Variants in CNOT8 observed in about 807,000 individuals in gnomAD.
CNOT8 encodes CCR4-NOT transcription complex subunit 8, also known as CAF1-like protein.
In CNOT8, 18 loss-of-function variants were observed where a neutral mutation model predicts 34.6. That is an observed-to-expected ratio of 0.52 (90% CI 0.36 to 0.77). CNOT8 has a LOEUF of 0.77. CNOT8 is among the 30% of genes least tolerant of loss of function. The probability of loss-of-function intolerance (pLI) is 0.00; values close to 1 mark genes in which losing one functional copy is unlikely to be tolerated. For missense variants in CNOT8, 189 were observed against 347.9 expected, an observed-to-expected ratio of 0.54 and a Z score of 3.63; for synonymous variants, 101 against 118.8, an observed-to-expected ratio of 0.85 and a Z score of 0.98.
At chr5:154,873,059 C>T (rs1448636379) in intron 6 of CNOT8, among the ~76,000 whole-genome samples, 1 of 151,868 alleles carries the variant, frequency 6.6e-6, no homozygotes, top group African/African-American at 2.4e-5. Context: ...ATGAGCCACT[C>T]TGCCTGGCCG....
At chr5:154,866,556 G>A (rs1007848081) in intron 3 of CNOT8, among the ~76,000 whole-genome samples, 1 of 152,096 alleles carries the variant, frequency 6.6e-6, no homozygotes, top group African/African-American at 2.4e-5. Context: ...TATAATACAA[G>A]GAAGAAAAAT....
In CNOT8 at chr5:154,862,100, T is replaced by C. The variant is rs568513067; in HGVS notation, c.-72-1107T>C. On this transcript the variant is annotated intron_variant, in intron 1 of 6. Transcript: ENST00000285896. Reference sequence around the variant, plus strand: ...TGAATTTTTTTCTCACAGAATACTTTCCCCTCCCTGATTTTTCTCCTGGAA... The same window carrying C: ...TGAATTTTTTTCTCACAGAATACTTCCCCCTCCCTGATTTTTCTCCTGGAA... 3.9e-5 allele frequency among the ~76,000 whole-genome samples: 6 copies of C among 152,314 alleles called. No individual in the cohort carries two copies. In the South Asian group the frequency reaches 1.2e-3, roughly 32 times the overall value.
At chr5:154,871,559 C>CAAAAAAAA (rs372899952) in intron 4 of CNOT8, among the ~76,000 whole-genome samples, 171 bp from the exon 5 acceptor site, 1 of 55,412 alleles carries the variant, frequency 1.8e-5, no homozygotes, top group African/African-American at 6.4e-5. Context: ...GACTCTGTCT[C>CAAAAAAAA]AAAAAAAAAA....
chr5:154,872,478 A>G, intron 5 of CNOT8, 63 bp from the exon 6 acceptor site: 1 of 982,640 alleles, frequency 1.0e-6, no homozygotes, highest in African/African-American at 1.6e-5. Context: ...AACTGCACTT[A>G]GTTGGCTCCA....
At chr5:154,860,762 T>G (rs1761254703) in intron 1 of CNOT8, among the ~76,000 whole-genome samples, 1 of 152,186 alleles carries the variant, frequency 6.6e-6, no homozygotes, top group Non-Finnish European at 1.5e-5. Flanking sequence ...TCCCCACAGA[T>G]CCTAGCTAAC....
chr5:154,871,415 C>G (rs1008134235), intron 4 of CNOT8, among the ~76,000 whole-genome samples: 2 of 151,910 alleles, frequency 1.3e-5, no homozygotes, highest in African/African-American at 4.8e-5. Flanking sequence ...AAAAATTAGC[C>G]AGGCATGGTG....
intron 3 of CNOT8, among the ~76,000 whole-genome samples, 163 bp downstream of exon 3, chr5:154,865,548 C>T (rs1400705012): frequency 6.6e-6 from 1 of 152,014 alleles, no homozygotes; most frequent in Non-Finnish European, 1.5e-5. Context: ...GATAAACAAC[C>T]CAACTAAAAA....
chr5:154,875,150 C>A, intron 6 of CNOT8, 140 bp from the exon 7 acceptor site: 1 of 870,808 alleles, frequency 1.1e-6, no homozygotes, highest in Non-Finnish European at 1.8e-6. Context: ...CTCCTGACCC[C>A]AAGTGATCTG....
intron 1 of CNOT8, among the ~76,000 whole-genome samples, chr5:154,862,580 CTGTT>C (rs1761456377): frequency 6.6e-6 from 1 of 152,192 alleles, no homozygotes; most frequent in Non-Finnish European, 1.5e-5. Flanking sequence ...ACTTCATGCT[CTGTT>C]TGCACAAATC....
chr5:154,869,671 C>T (rs1408297666), intron 3 of CNOT8, among the ~76,000 whole-genome samples: 6 of 143,338 alleles, frequency 4.2e-5, no homozygotes, highest in Non-Finnish European at 9.0e-5. Flanking sequence ...TGTCATCAGG[C>T]TGGAGCGCAG....
rs1204377808 is a variant in CNOT8 at position 154,876,389 on chromosome 5, TGTGA to T, written c.*953_*956del. On this transcript the variant is annotated 3_prime_UTR_variant, in exon 7 of 7. Coordinates refer to ENST00000285896, the MANE Select transcript of CNOT8 (RefSeq NM_001301073.2). The stretch of plus-strand genomic sequence containing the variant: ...CTGAAACGTGAGGGAGATGGATTAA[TGTGA>T]GTAACAGGAATGTGTCTTTAAAAAG... 2.0e-5 allele frequency: 3 copies of T among 152,228 alleles called. No homozygotes were observed. Among genetic ancestry groups the T allele is most frequent in the African/African-American group, 4.8e-5 (2 of 41,456 alleles). 9.4% of individuals were successfully genotyped at this position (152,228 alleles called of 1,614,324 possible). A position where few individuals can be genotyped will look rare whatever the true frequency, so the allele number is the denominator to read the frequency against.
intron 2 of CNOT8, among the ~76,000 whole-genome samples, chr5:154,864,297 A>G (rs1761649228): frequency 6.6e-6 from 1 of 152,072 alleles, no homozygotes; most frequent in South Asian, 2.1e-4. Context: ...TGCCTCTACT[A>G]AAAATACAAA....
At chr5:154,874,085 CT>C (rs1317045661) in intron 6 of CNOT8, among the ~76,000 whole-genome samples, 1 of 152,156 alleles carries the variant, frequency 6.6e-6, no homozygotes, top group Non-Finnish European at 1.5e-5. Flanking sequence ...GTTTAAATGA[CT>C]TTGCCAAGGT....
At chr5:154,867,722 A>C in intron 3 of CNOT8, 1 of 275,230 alleles carries the variant, frequency 3.6e-6, no homozygotes, top group Admixed American at 5.7e-5. Context: ...ACAATAATAC[A>C]TGTGTTGCTT....
intron 1 of CNOT8, among the ~76,000 whole-genome samples, chr5:154,862,051 C>T (rs574912499): frequency 1.3e-5 from 2 of 152,166 alleles, no homozygotes; most frequent in South Asian, 4.1e-4. Context: ...ATAATAACAG[C>T]ATTCGTCAGA....
intron 1 of CNOT8, among the ~76,000 whole-genome samples, chr5:154,860,253 G>A (rs1761198270): frequency 6.6e-6 from 1 of 152,176 alleles, no homozygotes; most frequent in Non-Finnish European, 1.5e-5. Context: ...TTTGGAGCAT[G>A]TGCTTACAAA....
intron 3 of CNOT8, among the ~76,000 whole-genome samples, chr5:154,869,455 A>AT (rs1285243395): frequency 3.6e-5 from 3 of 83,994 alleles, no homozygotes; most frequent in Non-Finnish European, 7.6e-5. Context: ...AAGTTTATTT[A>AT]TTTTTTTGAG....
intron 4 of CNOT8, 33 bp downstream of exon 4, chr5:154,870,855 C>G: frequency 6.4e-7 from 1 of 1,564,166 alleles, no homozygotes. Flanking sequence ...TTCTCTCTCA[C>G]TTTGGGCTAC....
Position 154,865,215 on chromosome 5 carries a change from G to C in CNOT8, c.141G>C (p.Val47=). 6.2e-7 allele frequency: 1 copy of C among 1,601,132 alleles called. No individual in the cohort carries two copies. Among genetic ancestry groups the C allele is most frequent in the Non-Finnish European group, 8.5e-7 (1 of 1,175,450 alleles). ...AGGACACAGAATTTCCAGGTGTTGT[G>C]GTGCGACCAATTGGTGAATTTCGTA... ...IAMDTEFPGV[V]VRPIGEFRSS... is the part of the protein sequence containing the mutation. Residue 47 remains valine (V), a synonymous_variant, in exon 3 of 7, where the codon GTG becomes GTC. Coordinates refer to ENST00000285896, the MANE Select transcript of CNOT8 (RefSeq NM_001301073.2).
Sources: gnomAD v4.1 joint callset for allele counts (sites outside exome capture counted in the v4.1 genomes callset) on GRCh38, gnomAD v4.1.1 for gene constraint, MANE v1.5 for transcripts, NCBI Gene and HGNC (gene_info 2026-07-23, HGNC 2026-07-21) for gene names.